SPATS2L: variants seen among roughly 807,000 people sequenced by gnomAD.
The protein encoded by SPATS2L is SPATS2-like protein.
A neutral mutation model predicts 59.6 loss-of-function variants in SPATS2L; 30 were observed. That is an observed-to-expected ratio of 0.50 (90% CI 0.38 to 0.68). The LOEUF (loss-of-function observed/expected upper bound fraction) is 0.68, where lower values mean the gene tolerates loss of function less well. SPATS2L is among the 30% of genes least tolerant of loss of function. The probability of loss-of-function intolerance (pLI) is 0.00; values close to 1 mark genes in which losing one functional copy is unlikely to be tolerated. For missense variants in SPATS2L, 615 were observed against 700.0 expected (o/e 0.88, Z 1.37); for synonymous variants, 252 against 263.5 (o/e 0.96, Z 0.42).
chr2:200,319,330 C>T (rs564373975), intron 1 of SPATS2L, among the ~76,000 whole-genome samples: 9 of 152,094 alleles, frequency 5.9e-5, no homozygotes, highest in Non-Finnish European at 1.3e-4. Context: ...TTTTGAAGGC[C>T]GAGGTGGGCG....
intron 12 of SPATS2L, among the ~76,000 whole-genome samples, chr2:200,474,328 T>G (rs115954341): frequency 7.2e-5 from 11 of 152,184 alleles, no homozygotes; most frequent in African/African-American, 2.2e-4. Context: ...TCTAAATATA[T>G]CTTCACAGTT....
At chr2:200,424,598 T>A (rs1432764047) in intron 6 of SPATS2L, among the ~76,000 whole-genome samples, 1 of 152,242 alleles carries the variant, frequency 6.6e-6, no homozygotes, top group Non-Finnish European at 1.5e-5. Flanking sequence ...CCTTAGGGTC[T>A]AATTTTCCCA....
intron 2 of SPATS2L, among the ~76,000 whole-genome samples, chr2:200,344,198 AT>A (rs2080431825): frequency 1.3e-5 from 2 of 151,834 alleles, no homozygotes; most frequent in South Asian, 4.2e-4. Context: ...TTCATTAGTT[AT>A]TTTTTCTGAT....
In SPATS2L at chr2:200,480,796, T is replaced by C. The variant is rs2087758084; in HGVS notation, c.*2765T>C. 1.3e-5 allele frequency: 2 copies of C among 152,254 alleles called. No homozygotes were observed. Among genetic ancestry groups the C allele is most frequent in the African/African-American group, 2.4e-5 (1 of 41,472 alleles). 9.4% of individuals were successfully genotyped at this position (152,254 alleles called of 1,614,324 possible). Reference sequence around the variant, plus strand: ...AAACACTGTATTACATATCTTCATCTGTCTGGTGGAACTATTGGTGTGATC... The same window carrying C: ...AAACACTGTATTACATATCTTCATCCGTCTGGTGGAACTATTGGTGTGATC... On this transcript the variant is annotated 3_prime_UTR_variant, in exon 13 of 13. Transcript: ENST00000409140.
chr2:200,466,174 T>G (rs1253298162), intron 9 of SPATS2L, among the ~76,000 whole-genome samples: 1 of 152,258 alleles, frequency 6.6e-6, no homozygotes, highest in East Asian at 1.9e-4. Context: ...TAAGAACTCT[T>G]AAAATCAGAA....
chr2:200,450,464 T>C (rs528016377), intron 8 of SPATS2L, among the ~76,000 whole-genome samples: 1 of 152,336 alleles, frequency 6.6e-6, no homozygotes, highest in East Asian at 1.9e-4. Flanking sequence ...CACTTCTGAA[T>C]GTCACAGTTG....
chr2:200,390,304 A>G (rs1347206464), intron 3 of SPATS2L: 1 of 152,286 alleles, frequency 6.6e-6, no homozygotes, highest in Non-Finnish European at 1.5e-5. Flanking sequence ...CTGAACATGT[A>G]GATGAAGTTC....
At chr2:200,329,084 T>C (rs1368446917) in intron 1 of SPATS2L, among the ~76,000 whole-genome samples, 1 of 152,194 alleles carries the variant, frequency 6.6e-6, no homozygotes, top group Non-Finnish European at 1.5e-5. Flanking sequence ...CCTAGAACAA[T>C]GCTAGACACT....
intron 8 of SPATS2L, among the ~76,000 whole-genome samples, chr2:200,448,771 T>C (rs1219456061): frequency 6.6e-6 from 1 of 152,160 alleles, no homozygotes; most frequent in Non-Finnish European, 1.5e-5. Flanking sequence ...TTCAATATTA[T>C]GCCAGAAGTT....
At chr2:200,377,798 G>C (rs1414973530) in intron 2 of SPATS2L, among the ~76,000 whole-genome samples, 1 of 152,060 alleles carries the variant, frequency 6.6e-6, no homozygotes. Context: ...TTTTCAATTA[G>C]GTGTAGAACC....
Position 200,478,003 on chromosome 2 carries a change from C to T in SPATS2L, c.1649C>T (p.Ser550Leu), listed in dbSNP as rs2087675331. 6.3e-7 allele frequency: 1 copy of T among 1,579,274 alleles called. No homozygotes were observed. Among genetic ancestry groups the T allele is most frequent in the Admixed American group, 1.8e-5 (1 of 55,898 alleles). Residue 550 changes from serine to leucine, a missense_variant, in exon 13 of 13, where the codon TCA (serine) becomes TTA (leucine). Ser to Leu is a moderately radical substitution (Grantham distance 145). Around this residue, in one of 3 missense-constraint regions of SPATS2L, gnomAD observed 284 missense variants for 280.1 expected, o/e 1.01. Transcript: ENST00000409140. ...GTTTCCACAGATGCAGCAGTTCTCTCAGTCCCGGCTGTGACGTTGGTGGCC... is the reference window on the plus strand; with the variant it reads ...GTTTCCACAGATGCAGCAGTTCTCTTAGTCCCGGCTGTGACGTTGGTGGCC... ...IEVSTDAAVL[S>L]VPAVTLVA
rs1229473831 is a variant in SPATS2L, at chr2:200,482,103, C to CAA, written c.*4073_*4074dup. The stretch of plus-strand genomic sequence containing the variant: ...TTTCCTTGAAAGTACTGAGCCATCT[C>CAA]AATTGCTCTGATTTTGTGAGAAAAT... On this transcript the variant is annotated 3_prime_UTR_variant, in exon 13 of 13. Transcript: ENST00000409140. 6.6e-6 allele frequency: 1 copy of CAA among 152,230 alleles called. No homozygotes were observed. Among genetic ancestry groups the CAA allele is most frequent in the Non-Finnish European group, 1.5e-5 (1 of 68,036 alleles). The allele number at this position is 152,230 out of a possible 1,614,324, so 9.4% of individuals were successfully genotyped here. A position where few individuals can be genotyped will look rare whatever the true frequency, so the allele number is the denominator to read the frequency against.
intron 1 of SPATS2L, among the ~76,000 whole-genome samples, chr2:200,320,967 T>G (rs1474370007): frequency 1.3e-5 from 2 of 152,258 alleles, no homozygotes; most frequent in Non-Finnish European, 2.9e-5. Flanking sequence ...TGTCTATATT[T>G]TTCAGAGTAC....
At chr2:200,368,635 C>G (rs1203404421) in intron 2 of SPATS2L, among the ~76,000 whole-genome samples, 1 of 152,138 alleles carries the variant, frequency 6.6e-6, no homozygotes, top group Non-Finnish European at 1.5e-5. Flanking sequence ...ATTGTGACCA[C>G]AATGTTTAAG....
chr2:200,368,909 T>C (rs1276151014), intron 2 of SPATS2L, among the ~76,000 whole-genome samples: 1 of 152,136 alleles, frequency 6.6e-6, no homozygotes, highest in Non-Finnish European at 1.5e-5. Flanking sequence ...AATATATGTG[T>C]ATATGTATAA....
chr2:200,459,950 C>T, intron 9 of SPATS2L, 123 bp downstream of exon 9: 1 of 730,042 alleles, frequency 1.4e-6, no homozygotes, highest in Non-Finnish European at 2.3e-6. Context: ...AATTTTGGCT[C>T]ATGAACTCTG....
intron 2 of SPATS2L, among the ~76,000 whole-genome samples, chr2:200,337,136 T>A (rs565368924): frequency 6.6e-6 from 1 of 152,320 alleles, no homozygotes; most frequent in African/African-American, 2.4e-5. Context: ...ATTTATTATT[T>A]GTCAGATTTT....
At position 200,481,854 on chromosome 2, in the gene SPATS2L, G is replaced by A. The variant is rs1169201341; in HGVS notation, c.*3823G>A. On this transcript the variant is annotated 3_prime_UTR_variant, in exon 13 of 13. Coordinates refer to ENST00000409140, the MANE Select transcript of SPATS2L (RefSeq NM_001100423.2). ...CGCCACCACACCTGGCTAATTTTTT[G>A]TATTTTTAGTAGATACAGGGTTTCA... is the stretch of plus-strand genomic sequence containing the variant. 6.6e-6 allele frequency: 1 copy of A among 152,230 alleles called. No homozygotes were observed. Among genetic ancestry groups the A allele is most frequent in the East Asian group, 1.9e-4 (1 of 5,180 alleles). 9.4% of individuals were successfully genotyped at this position (152,230 alleles called of 1,614,324 possible).
intron 2 of SPATS2L, among the ~76,000 whole-genome samples, chr2:200,373,901 T>C (rs1306197177): frequency 6.6e-6 from 1 of 152,182 alleles, no homozygotes; most frequent in Non-Finnish European, 1.5e-5. Flanking sequence ...TTCAGAACCA[T>C]GTAACCAAAA....
Sources: gnomAD v4.1 joint callset for allele counts (sites outside exome capture counted in the v4.1 genomes callset) on GRCh38, gnomAD v4.1.1 for gene constraint, gnomAD v4.1.1 regional missense constraint, MANE v1.5 for transcripts, NCBI Gene and HGNC (gene_info 2026-07-23, HGNC 2026-07-21) for gene names.